Variants in CFAP54 observed in about 807,000 individuals in gnomAD.
The protein encoded by CFAP54 is cilia and flagella associated protein 54.
A neutral mutation model predicts 370.4 loss-of-function variants in CFAP54; 290 were observed. That is an observed-to-expected ratio of 0.78 (90% CI 0.71 to 0.86). CFAP54 has a LOEUF of 0.86. CFAP54 is among the 40% of genes least tolerant of loss of function. The pLI is 0.00. For synonymous variants in CFAP54, 1,206 were observed against 1,236.5 expected (o/e 0.98, Z 0.52); for missense variants, 3,399 against 3,528.7 (o/e 0.96, Z 0.93).
intron 26 of CFAP54, among the ~76,000 whole-genome samples, chr12:96,614,412 G>A (rs1274164322): frequency 6.6e-6 from 1 of 152,134 alleles, no homozygotes; most frequent in Non-Finnish European, 1.5e-5. Flanking sequence ...GTATCATACT[G>A]AATGGGCAAA....
Position 96,850,216 on chromosome 12 carries a change from TAA to T in CFAP54, c.9172-10582_9172-10581del, listed in dbSNP as rs35493066. 6.9e-3 allele frequency among the ~76,000 whole-genome samples: 697 copies of T among 101,118 alleles called. 3 individuals are homozygous for T. Among genetic ancestry groups the T allele is most frequent in the African/African-American group, 0.021 (545 of 25,984 alleles). The allele number at this position is 101,118 out of a possible 152,430, so 66.3% of individuals were successfully genotyped here. Reference sequence around the variant, plus strand: ...CAACATGGTGAAACCCTGTCTCTACTAAAAAAAAAAAAAAAAAAAAAAGTAGC... The same window carrying T: ...CAACATGGTGAAACCCTGTCTCTACTAAAAAAAAAAAAAAAAAAAAGTAGC... On this transcript the variant is annotated intron_variant, in intron 66 of 67. Coordinates refer to ENST00000524981, the MANE Select transcript of CFAP54 (RefSeq NM_001306084.2).
At chr12:96,783,046 A>G (rs1272249506) in intron 60 of CFAP54, among the ~76,000 whole-genome samples, 1 of 152,206 alleles carries the variant, frequency 6.6e-6, no homozygotes, top group Non-Finnish European at 1.5e-5. Context: ...TCAAAGCACA[A>G]TGTTTAAAGG....
chr12:96,506,955 T>G lies in CFAP54; in HGVS notation c.595T>G (p.Cys199Gly). Reference protein sequence around the residue: ...TFHALSGKNMCNYQLVCDSDE... With the variant: ...TFHALSGKNMGNYQLVCDSDE... ...TCATGCTTTGAGTGGCAAAAATATG[T>G]GCAACTACCAGCTGGTCTGCGACAG... The change falls in exon 4 of 68, where the codon TGC (cysteine) becomes GGC (glycine). Residue 199 changes from cysteine (C) to glycine (G), a missense_variant. Physicochemically the swap from Cys to Gly is radical, Grantham distance 159. Around this residue, in one of 3 missense-constraint regions of CFAP54, gnomAD observed 559 missense variants for 576.7 expected, o/e 0.97. Coordinates refer to ENST00000524981, the MANE Select transcript of CFAP54 (RefSeq NM_001306084.2). 6.5e-7 allele frequency: 1 copy of G among 1,529,928 alleles called. No individual in the cohort carries two copies. Among genetic ancestry groups the G allele is most frequent in the Non-Finnish European group, 8.7e-7 (1 of 1,145,572 alleles). The allele number at this position is 1,529,928 out of a possible 1,614,324, so 94.8% of individuals were successfully genotyped here. A position where few individuals can be genotyped will look rare whatever the true frequency, so the allele number is the denominator to read the frequency against.
rs369200650 is a variant in CFAP54, at chr12:96,626,893, C to A, written c.4057C>A (p.His1353Asn). 52 of 1,434,326 alleles carry A rather than the reference C, an allele frequency of 3.6e-5. No individual in the cohort carries two copies. Among genetic ancestry groups the A allele is most frequent in the East Asian group, 1.3e-4 (5 of 39,884 alleles). 88.8% of individuals were successfully genotyped at this position (1,434,326 alleles called of 1,614,324 possible). A position where few individuals can be genotyped will look rare whatever the true frequency, so the allele number is the denominator to read the frequency against. Residue 1353 changes from histidine to asparagine, a missense_variant, in exon 30 of 68, where the codon CAT (histidine) becomes AAT (asparagine). His to Asn is a moderately conservative substitution (Grantham distance 68). Transcript: ENST00000524981. ...MLKCMNEEKF[H>N]LMVEVTTPVH... ...AAAATGCATGAATGAGGAAAAATTT[C>A]ATCTTATGGTAGAGGTAACAACTCC...
At chr12:96,832,018 C>T (rs533229782) in intron 66 of CFAP54, among the ~76,000 whole-genome samples, 7 of 152,154 alleles carry the variant, frequency 4.6e-5, no homozygotes, top group South Asian at 2.1e-4. Context: ...CCACAATTCC[C>T]GTGTTTCATG....
chr12:96,654,396 G>C (rs889942575), intron 36 of CFAP54, among the ~76,000 whole-genome samples: 3 of 151,358 alleles, frequency 2.0e-5, no homozygotes, highest in Non-Finnish European at 4.4e-5. Context: ...AGCTACTTGG[G>C]AGGCTGAGGC....
intron 26 of CFAP54, among the ~76,000 whole-genome samples, chr12:96,611,727 C>A (rs1030401294): frequency 4.6e-5 from 7 of 152,200 alleles, no homozygotes; most frequent in African/African-American, 1.4e-4. Flanking sequence ...GACACGAGAA[C>A]TACTGATGAA....
chr12:96,670,155 G>A (rs893395796), intron 39 of CFAP54, among the ~76,000 whole-genome samples: 2 of 151,220 alleles, frequency 1.3e-5, no homozygotes, highest in East Asian at 3.8e-4. Context: ...TTCTAGGAGT[G>A]TATACAGAGA....
rs1230068599 is a variant in CFAP54, at chr12:96,792,497, A to G, written c.8848A>G (p.Met2950Val). Residue 2950 changes from methionine (M) to valine (V), a missense_variant and splice_region_variant, in exon 63 of 68, where the codon ATG becomes GTG. Around this residue, in one of 3 missense-constraint regions of CFAP54, gnomAD observed 2,796 missense variants for 2,869.7 expected, o/e 0.97. Coordinates refer to ENST00000524981, the MANE Select transcript of CFAP54 (RefSeq NM_001306084.2). ...TAGACCTCCCAAGGAGACAGAACCT[A>G]TGGTATGTAATGTACTTATAGAACT... ...LDRPPKETEP[M>V]VLLLYAYNLK... 5 of 1,528,428 alleles carry G rather than the reference A, an allele frequency of 3.3e-6. No homozygotes were observed. Among genetic ancestry groups the G allele is most frequent in the East Asian group, 2.4e-5 (1 of 40,838 alleles). 94.7% of individuals were successfully genotyped at this position (1,528,428 alleles called of 1,614,324 possible).
intron 65 of CFAP54, 59 bp from the exon 66 acceptor site, chr12:96,828,955 G>A: frequency 1.2e-6 from 1 of 810,538 alleles, no homozygotes; most frequent in Non-Finnish European, 1.9e-6. Flanking sequence ...AATTAAATAG[G>A]TAATATTTAG....
Position 96,636,348 on chromosome 12 carries a change from TTCTAAAAAATTGTCCATTTTA to T in CFAP54, c.4316+5709_4316+5729del, listed in dbSNP as rs1565922774. Among the ~76,000 whole-genome samples the T allele has an allele frequency of 4.6e-5, 7 of 152,332 alleles. No homozygotes were observed. The South Asian group carries it at 1.5e-3, about 32-fold the overall frequency. On this transcript the variant is annotated intron_variant, in intron 32 of 67. Transcript: ENST00000524981. ...GAGTTCCTTTTGATGAATTATATTT[TTCTAAAAAATTGTCCATTTTA>T]TCTAAAAAATTATCCATTTTATCTA...
rs1468347213 is a variant in CFAP54, at chr12:96,866,055, A to G, written c.*14+5103A>G. Among the ~76,000 whole-genome samples the G allele has an allele frequency of 8.0e-4, 122 of 152,110 alleles. 1 individual carries two copies. Among genetic ancestry groups the G allele is most frequent in the Non-Finnish European group, 4.4e-5 (3 of 67,956 alleles). The stretch of plus-strand genomic sequence containing the variant: ...ATTTTCCAAAATTAGATATATGCAG[A>G]ACTTTTTACATGACTGTTATGCAAA... On this transcript the variant is annotated intron_variant, in intron 67 of 67. Coordinates refer to ENST00000524981, the MANE Select transcript of CFAP54 (RefSeq NM_001306084.2).
chr12:96,648,255 C>T (rs1020545290), intron 34 of CFAP54, among the ~76,000 whole-genome samples: 1 of 152,058 alleles, frequency 6.6e-6, no homozygotes, highest in Non-Finnish European at 1.5e-5. Flanking sequence ...GTATTTTAAC[C>T]TTAGCCAATT....
chr12:96,776,644 T>G (rs937929792), intron 60 of CFAP54, among the ~76,000 whole-genome samples: 3 of 152,218 alleles, frequency 2.0e-5, no homozygotes, highest in Non-Finnish European at 2.9e-5. Flanking sequence ...ATAGTCTTCT[T>G]TGAAACTAAA....
intron 48 of CFAP54, 47 bp from the exon 49 acceptor site, chr12:96,718,391 TTAAAC>T (rs1555304596): frequency 4.5e-6 from 4 of 886,076 alleles, no homozygotes; most frequent in Non-Finnish European, 7.5e-6. Context: ...GAATTAATAT[TTAAAC>T]TAACCATAGA....
At chr12:96,647,334 G>C (rs576781612) in intron 33 of CFAP54, among the ~76,000 whole-genome samples, 5 of 151,244 alleles carry the variant, frequency 3.3e-5, no homozygotes, top group African/African-American at 1.2e-4. Flanking sequence ...TTAGCCAGGC[G>C]TGGTGGTGGG....
At chr12:96,683,166 G>A (rs1957290278) in intron 40 of CFAP54, among the ~76,000 whole-genome samples, 1 of 152,142 alleles carries the variant, frequency 6.6e-6, no homozygotes, top group Non-Finnish European at 1.5e-5. Flanking sequence ...TATAAAAATA[G>A]GGGAGAAATA....
intron 5 of CFAP54, among the ~76,000 whole-genome samples, chr12:96,518,351 G>C (rs1460871338): frequency 6.6e-6 from 1 of 152,116 alleles, no homozygotes; most frequent in Non-Finnish European, 1.5e-5. Flanking sequence ...GACTACTGTT[G>C]ACATGGTAAA....
chr12:96,759,897 C>T (rs976799267), intron 58 of CFAP54, among the ~76,000 whole-genome samples: 5 of 152,082 alleles, frequency 3.3e-5, no homozygotes, highest in African/African-American at 1.2e-4. Flanking sequence ...ATCAGCTAAA[C>T]GTCTTTATTC....
Sources: allele counts gnomAD v4.1 joint callset (sites outside exome capture counted in the v4.1 genomes callset), GRCh38; gene constraint gnomAD v4.1.1; regional missense constraint gnomAD v4.1.1; transcripts MANE v1.5; gene names NCBI Gene and HGNC (gene_info 2026-07-23, HGNC 2026-07-21).